GABRB1: variants seen among roughly 807,000 people sequenced by gnomAD.
GABRB1 encodes the protein gamma-aminobutyric acid receptor subunit beta-1.
GABRB1 carries 17 observed loss-of-function variants against 51.6 expected under a neutral mutation model. The observed-to-expected ratio is 0.33, with a 90% CI of 0.23 to 0.49. GABRB1 has a LOEUF of 0.49. GABRB1 is among the 20% of genes least tolerant of loss of function. The probability of loss-of-function intolerance (pLI) is 0.99; values close to 1 mark genes in which losing one functional copy is unlikely to be tolerated. For missense variants in GABRB1, 410 were observed against 600.6 expected, an observed-to-expected ratio of 0.68 and a Z score of 3.32; for synonymous variants, 247 against 218.9, an observed-to-expected ratio of 1.13 and a Z score of -1.14.
At chr4:47,045,966 C>A (rs1726065774) in intron 3 of GABRB1, among the ~76,000 whole-genome samples, 2 of 152,070 alleles carry the variant, frequency 1.3e-5, no homozygotes, top group Admixed American at 1.3e-4. Flanking sequence ...CCCATAAACC[C>A]TATGTGTTGT....
At chr4:47,298,031 A>T (rs1724081170) in intron 4 of GABRB1, among the ~76,000 whole-genome samples, 1 of 152,202 alleles carries the variant, frequency 6.6e-6, no homozygotes, top group Non-Finnish European at 1.5e-5. Flanking sequence ...CCTTTGACAA[A>T]ATTCAACAAC....
intron 1 of GABRB1, among the ~76,000 whole-genome samples, chr4:47,022,266 G>A (rs935277636): frequency 2.0e-5 from 3 of 151,918 alleles, no homozygotes; most frequent in African/African-American, 7.2e-5. Context: ...ATCTAATGGG[G>A]CAAAATGTTC....
At chr4:47,396,231 GC>G (rs954933082) in intron 5 of GABRB1, among the ~76,000 whole-genome samples, 5 of 152,112 alleles carry the variant, frequency 3.3e-5, no homozygotes, top group Non-Finnish European at 7.4e-5. Context: ...GAGAATGAGA[GC>G]CAAGGGAAAT....
intron 1 of GABRB1, among the ~76,000 whole-genome samples, chr4:47,007,072 C>T (rs963469519): frequency 2.6e-5 from 4 of 151,218 alleles, no homozygotes; most frequent in Admixed American, 6.6e-5. Flanking sequence ...CCTAGGAGGC[C>T]GAGGCTGTAG....
chr4:47,238,294 C>A (rs992770993), intron 4 of GABRB1, among the ~76,000 whole-genome samples: 2 of 152,040 alleles, frequency 1.3e-5, no homozygotes, highest in Non-Finnish European at 2.9e-5. Context: ...GATCATTATA[C>A]CGATTCTGCT....
At chr4:47,334,451 A>G (rs1194361102) in intron 5 of GABRB1, among the ~76,000 whole-genome samples, 1 of 152,160 alleles carries the variant, frequency 6.6e-6, no homozygotes, top group Non-Finnish European at 1.5e-5. Flanking sequence ...CCTGAAATAC[A>G]TACACCTGAA....
At chr4:47,396,236 G>A (rs1728177300) in intron 5 of GABRB1, among the ~76,000 whole-genome samples, 1 of 152,176 alleles carries the variant, frequency 6.6e-6, no homozygotes, top group Admixed American at 6.5e-5. Context: ...TGAGAGCCAA[G>A]GGAAATGAGT....
intron 3 of GABRB1, among the ~76,000 whole-genome samples, chr4:47,092,528 T>C (rs1159359345): frequency 2.0e-5 from 3 of 151,962 alleles, no homozygotes; most frequent in African/African-American, 7.3e-5. Flanking sequence ...TAAACACTTT[T>C]TGTATGAATA....
chr4:47,091,179 G>A (rs547977857), intron 3 of GABRB1, among the ~76,000 whole-genome samples: 1 of 152,006 alleles, frequency 6.6e-6, no homozygotes, highest in Admixed American at 6.5e-5. Context: ...TCGTACACAG[G>A]ACAGCCCTCC....
At chr4:47,360,915 A>T (rs1726784273) in intron 5 of GABRB1, among the ~76,000 whole-genome samples, 1 of 152,112 alleles carries the variant, frequency 6.6e-6, no homozygotes, top group Non-Finnish European at 1.5e-5. Context: ...CACATTCTAA[A>T]TGCCTTATGC....
chr4:47,320,763 CTTTTTTCTT>C (rs1240587269), intron 5 of GABRB1, among the ~76,000 whole-genome samples: 1 of 113,316 alleles, frequency 8.8e-6, no homozygotes, highest in Non-Finnish European at 1.8e-5. Context: ...GTTTTCTTTT[CTTTTTTCTT>C]TTTTTTTTTT....
At chr4:47,178,567 T>C (rs1718800403) in intron 4 of GABRB1, among the ~76,000 whole-genome samples, 1 of 152,132 alleles carries the variant, frequency 6.6e-6, no homozygotes, top group Non-Finnish European at 1.5e-5. Flanking sequence ...TTTTCAAGTA[T>C]TATGTACTTT....
At position 47,403,391 on chromosome 4, in the gene GABRB1, C is replaced by T. The variant is rs6286; in HGVS notation, c.618C>T (p.Ile206=). 5.9e-5 allele frequency: 95 copies of T among 1,613,900 alleles called. No individual in the cohort carries two copies. The highest frequency in any genetic ancestry group is 6.8e-5 in the Non-Finnish European group (80 of 1,179,850). The change falls in exon 6 of 9, where the codon ATC becomes ATT. Residue 206 remains isoleucine, a synonymous_variant. Coordinates refer to ENST00000295454, the MANE Select transcript of GABRB1 (RefSeq NM_000812.4). ...GEGAVTGVNK[I]ELPQFSIVDY... ...GGGCAGTCACTGGTGTTAATAAAATCGAACTTCCTCAATTTTCAATTGTTG... is the reference window on the plus strand; with the variant it reads ...GGGCAGTCACTGGTGTTAATAAAATTGAACTTCCTCAATTTTCAATTGTTG...
chr4:47,338,117 C>T lies in GABRB1; in HGVS notation c.544+17908C>T, dbSNP rs182075748. The stretch of plus-strand genomic sequence containing the variant: ...CCTCTTCAATTCTAGCCATTTTCTT[C>T]CATATCTCTTGGCTTCCACCTAAAA... On this transcript the variant is annotated intron_variant, in intron 5 of 8. Coordinates refer to ENST00000295454, the MANE Select transcript of GABRB1 (RefSeq NM_000812.4). Among the ~76,000 whole-genome samples, 270 of 152,286 alleles carry T rather than the reference C, an allele frequency of 1.8e-3. 1 individual carries two copies. Among genetic ancestry groups the T allele is most frequent in the Middle Eastern group, 0.01 (3 of 294 alleles).
At chr4:47,309,499 T>C (rs1724589159) in intron 4 of GABRB1, among the ~76,000 whole-genome samples, 1 of 152,068 alleles carries the variant, frequency 6.6e-6, no homozygotes, top group Non-Finnish European at 1.5e-5. Context: ...AGCAGAAATA[T>C]GGAATCAAAA....
chr4:47,238,453 G>T (rs1207438203), intron 4 of GABRB1, among the ~76,000 whole-genome samples: 5 of 152,052 alleles, frequency 3.3e-5, no homozygotes, highest in Admixed American at 3.3e-4. Flanking sequence ...TATTTTTAAA[G>T]ATGCTTTTTA....
intron 4 of GABRB1, among the ~76,000 whole-genome samples, chr4:47,175,167 A>C (rs752964165): frequency 9.7e-6 from 1 of 103,144 alleles, no homozygotes; most frequent in Non-Finnish European, 2.0e-5. Flanking sequence ...TTCTTTCTTT[A>C]TCTTTCTTTC....
chr4:47,375,871 C>G (rs1357620820), intron 5 of GABRB1, among the ~76,000 whole-genome samples: 1 of 152,118 alleles, frequency 6.6e-6, no homozygotes, highest in Non-Finnish European at 1.5e-5. Flanking sequence ...CCAAAGGTGA[C>G]TGGGCGGATG....
intron 3 of GABRB1, among the ~76,000 whole-genome samples, chr4:47,054,286 G>A (rs1321110818): frequency 6.6e-6 from 1 of 152,138 alleles, no homozygotes; most frequent in Non-Finnish European, 1.5e-5. Context: ...GAAAGTGAGA[G>A]TCTAGGTACT....
Sources: gnomAD v4.1 joint callset for allele counts (sites outside exome capture counted in the v4.1 genomes callset) on GRCh38, gnomAD v4.1.1 for gene constraint, MANE v1.5 for transcripts, NCBI Gene and HGNC (gene_info 2026-07-23, HGNC 2026-07-21) for gene names.